Variants in SLC2A14 observed in about 807,000 individuals in gnomAD.
SLC2A14 encodes solute carrier family 2 member 14.
In SLC2A14, 13 loss-of-function variants were observed where a neutral mutation model predicts 43.0. The observed-to-expected ratio is 0.30, with a 90% CI of 0.20 to 0.48. The LOEUF is 0.48. SLC2A14 is among the 20% of genes least tolerant of loss of function. The pLI is 0.99. For missense variants in SLC2A14, 428 were observed against 620.4 expected (o/e 0.69, Z 3.29); for synonymous variants, 190 against 233.8 (o/e 0.81, Z 1.71).
intron 2 of SLC2A14, among the ~76,000 whole-genome samples, chr12:7,838,562 TCA>T (rs969788893): frequency 6.6e-6 from 1 of 152,122 alleles, no homozygotes; most frequent in African/African-American, 2.4e-5. Context: ...TTTCCCAGGC[TCA>T]GTTTGGAAAA....
Position 7,863,640 on chromosome 12 carries a change from C to T in SLC2A14, c.18+6223G>A, listed in dbSNP as rs1009859783. On this transcript the variant is annotated intron_variant, in intron 2 of 10. Transcript: ENST00000431042. ...ATCTTAAAAAAAAATAAAAAATAAACCTTGGAATACGGACATAGCTCATTC... is the reference window on the plus strand; with the variant it reads ...ATCTTAAAAAAAAATAAAAAATAAATCTTGGAATACGGACATAGCTCATTC... Among the ~76,000 whole-genome samples the T allele has an allele frequency of 3.3e-5, 5 of 151,584 alleles. No homozygotes were observed. In the East Asian group the frequency reaches 9.7e-4, roughly 29 times the overall value.
intron 1 of SLC2A14, among the ~76,000 whole-genome samples, chr12:7,884,363 C>T (rs1945653306): frequency 6.6e-6 from 1 of 152,052 alleles, no homozygotes; most frequent in African/African-American, 2.4e-5. Flanking sequence ...ACTCTGATGT[C>T]CTGCAATATT....
intron 10 of SLC2A14, among the ~76,000 whole-genome samples, chr12:7,817,361 TG>T (rs1356301678): frequency 6.6e-6 from 1 of 152,122 alleles, no homozygotes; most frequent in Non-Finnish European, 1.5e-5. Context: ...GTGATCTGCC[TG>T]CCTCAGCCGC....
At chr12:7,872,693 G>A in intron 1 of SLC2A14, 114 bp downstream of exon 1, 2 of 843,620 alleles carry the variant, frequency 2.4e-6, no homozygotes, top group Non-Finnish European at 2.9e-6. Flanking sequence ...TTCTTTCTTA[G>A]CCCGGCCCAC....
chr12:7,863,054 T>C (rs942958895), intron 2 of SLC2A14, among the ~76,000 whole-genome samples: 2 of 152,144 alleles, frequency 1.3e-5, no homozygotes, highest in Admixed American at 6.5e-5. Context: ...CTGTTGAAGC[T>C]TTGTTGTTTC....
chr12:7,827,809 C>T, intron 6 of SLC2A14, 127 bp from the exon 7 acceptor site: 1 of 1,497,646 alleles, frequency 6.7e-7, no homozygotes, highest in Non-Finnish European at 8.9e-7. Context: ...CTGAACCTGC[C>T]CTCTCACCTC....
At chr12:7,887,959 C>T (rs1385710458) in intron 1 of SLC2A14, among the ~76,000 whole-genome samples, 1 of 152,136 alleles carries the variant, frequency 6.6e-6, no homozygotes, top group Non-Finnish European at 1.5e-5. Flanking sequence ...CAGAATCCTT[C>T]CTCTGGCCCT....
Position 7,828,742 on chromosome 12 carries a change from A to C in SLC2A14, c.638T>G (p.Leu213Trp). ...CTCCTCTTTTTTTCTGTTAATGAGCAAAAATCTGGGACTTTCAGGGCAACA... is the reference window on the plus strand; with the variant it reads ...CTCCTCTTTTTTTCTGTTAATGAGCCAAAATCTGGGACTTTCAGGGCAACA... The part of the protein sequence containing the change: ...LPCCPESPRF[L>W]LINRKKEENA... Residue 213 changes from leucine (L) to tryptophan (W), a missense_variant, in exon 6 of 11, where the codon TTG (leucine) becomes TGG (tryptophan). Transcript: ENST00000431042. 6.2e-7 allele frequency: 1 copy of C among 1,614,134 alleles called. No homozygotes were observed. Among genetic ancestry groups the C allele is most frequent in the East Asian group, 2.2e-5 (1 of 44,874 alleles).
At chr12:7,886,151 CTTT>C (rs3044922) in intron 1 of SLC2A14, among the ~76,000 whole-genome samples, 4 of 44,730 alleles carry the variant, frequency 8.9e-5, no homozygotes, top group East Asian at 7.2e-4. Flanking sequence ...GCCCGGACAG[CTTT>C]TTTTTTTTTT....
intron 2 of SLC2A14, among the ~76,000 whole-genome samples, chr12:7,853,199 G>A (rs1040183813): frequency 1.3e-5 from 2 of 151,982 alleles, no homozygotes; most frequent in Non-Finnish European, 2.9e-5. Context: ...CCAGAACTTT[G>A]GGAGGCTGAG....
upstream of SLC2A14, among the ~76,000 whole-genome samples, chr12:7,876,787 T>C (rs1945470234): frequency 6.6e-6 from 1 of 151,932 alleles, no homozygotes; most frequent in Non-Finnish European, 1.5e-5. Flanking sequence ...AGGAAAGTTC[T>C]GGGTGCAAAG....
In SLC2A14 at chr12:7,840,704, C is replaced by T. The variant is rs141587925; in HGVS notation, c.19-7890G>A. Among the ~76,000 whole-genome samples, 789 of 152,212 alleles carry T rather than the reference C, an allele frequency of 5.2e-3. 6 individuals are homozygous for T. Among genetic ancestry groups the T allele is most frequent in the South Asian group, 0.022 (106 of 4,826 alleles). On this transcript the variant is annotated intron_variant, in intron 2 of 10. Transcript: ENST00000431042. ...CCTTGCCTGTGTTGTTTTGTTATAG[C>T]AGCATGAACAAACTTAGACAGAGGG...
intron 2 of SLC2A14, among the ~76,000 whole-genome samples, chr12:7,866,665 C>T (rs1416612566): frequency 6.6e-6 from 1 of 152,152 alleles, no homozygotes; most frequent in African/African-American, 2.4e-5. Flanking sequence ...TGGGCCCAGC[C>T]AACTTTCTTT....
intron 7 of SLC2A14, among the ~76,000 whole-genome samples, chr12:7,822,940 C>A (rs1864047047): frequency 6.6e-6 from 1 of 152,208 alleles, no homozygotes; most frequent in African/African-American, 2.4e-5. Flanking sequence ...ATAACCTTAT[C>A]CTGCTCCTTG....
intron 2 of SLC2A14, among the ~76,000 whole-genome samples, chr12:7,843,710 C>G (rs1391912356): frequency 6.8e-6 from 1 of 147,570 alleles, no homozygotes; most frequent in African/African-American, 2.5e-5. Context: ...TCTTCCTGAA[C>G]CAGTGACCCA....
intron 7 of SLC2A14, among the ~76,000 whole-genome samples, chr12:7,822,118 C>T (rs1175928503): frequency 3.3e-5 from 5 of 151,848 alleles, no homozygotes; most frequent in African/African-American, 9.7e-5. Flanking sequence ...GCCACCACGC[C>T]TGGCCAATTT....
intron 5 of SLC2A14, among the ~76,000 whole-genome samples, chr12:7,829,250 T>A (rs960950060): frequency 2.0e-5 from 3 of 151,814 alleles, no homozygotes; most frequent in Non-Finnish European, 4.4e-5. Flanking sequence ...AATCATACAT[T>A]ATTTTACCAT....
intron 2 of SLC2A14, among the ~76,000 whole-genome samples, chr12:7,835,427 G>T (rs1400295440): frequency 6.6e-6 from 1 of 152,108 alleles, no homozygotes; most frequent in Non-Finnish European, 1.5e-5. Context: ...TTTAATGTAG[G>T]TCTGCCTAGA....
At chr12:7,833,877 T>C (rs1865232567) in intron 2 of SLC2A14, among the ~76,000 whole-genome samples, 1 of 152,140 alleles carries the variant, frequency 6.6e-6, no homozygotes, top group African/African-American at 2.4e-5. Flanking sequence ...AAGTGGATAT[T>C]ATTTTAGATT....
Sources: gnomAD v4.1 joint callset for allele counts (sites outside exome capture counted in the v4.1 genomes callset) on GRCh38, gnomAD v4.1.1 for gene constraint, MANE v1.5 for transcripts, NCBI Gene and HGNC (gene_info 2026-07-23, HGNC 2026-07-21) for gene names.